Variants in RUFY1 observed in about 807,000 individuals in gnomAD.
The protein encoded by RUFY1 is RUN and FYVE domain containing 1, also known as RUN and FYVE domain-containing protein 1.
A neutral mutation model predicts 94.6 loss-of-function variants in RUFY1; 54 were observed. The ratio of observed to expected loss-of-function variants is 0.57; its 90% CI spans 0.46 to 0.72. The LOEUF (loss-of-function observed/expected upper bound fraction) is 0.72, where lower values mean the gene tolerates loss of function less well. Ranked by LOEUF, RUFY1 falls within the 30% of genes least tolerant of loss-of-function variation. The probability of loss-of-function intolerance (pLI) is 0.00; values close to 1 mark genes in which losing one functional copy is unlikely to be tolerated. For missense variants in RUFY1, 883 were observed against 883.9 expected (o/e 1.00, Z 0.01); for synonymous variants, 396 against 347.3 (o/e 1.14, Z -1.56).
chr5:179,603,051 T>C (rs1766610880), intron 15 of RUFY1, among the ~76,000 whole-genome samples: 2 of 152,122 alleles, frequency 1.3e-5, no homozygotes, highest in Non-Finnish European at 1.5e-5. Context: ...GCAGATCACC[T>C]GAGGTCAGGA....
intron 16 of RUFY1, 107 bp from the exon 17 acceptor site, chr5:179,607,475 C>A: frequency 3.4e-6 from 3 of 881,040 alleles, no homozygotes; most frequent in Non-Finnish European, 5.7e-6. Context: ...CAGTGCCTCA[C>A]TAGGAAACAG....
intron 2 of RUFY1, among the ~76,000 whole-genome samples, chr5:179,561,867 G>T (rs1447268300): frequency 2.0e-5 from 3 of 149,116 alleles, no homozygotes; most frequent in Admixed American, 6.7e-5. Context: ...TTTATTTTTA[G>T]TAGAGACGGA....
rs1765953143 is a variant in RUFY1 at position 179,598,672 on chromosome 5, A to G, written c.1632-20A>G. 5 of 1,614,012 alleles carry G rather than the reference A, an allele frequency of 3.1e-6. No individual in the cohort carries two copies. Among genetic ancestry groups the G allele is most frequent in the Non-Finnish European group, 4.2e-6 (5 of 1,179,972 alleles). ...AAAGTCTCCCACTGAGACTAACTCA[A>G]GTTCATTTTGGGAAAACAGCTCAAG... On this transcript the variant is annotated intron_variant, in intron 13 of 17. Coordinates refer to ENST00000319449, the MANE Select transcript of RUFY1 (RefSeq NM_025158.5).
At chr5:179,602,103 A>G (rs1766494957) in intron 15 of RUFY1, 117 bp downstream of exon 15, 1 of 783,854 alleles carries the variant, frequency 1.3e-6, no homozygotes, top group Non-Finnish European at 2.2e-6. Flanking sequence ...TTAGGAGCTC[A>G]GTCCGCCGTT....
At chr5:179,563,222 G>A (rs775731842) in intron 3 of RUFY1, among the ~76,000 whole-genome samples, 7 of 152,132 alleles carry the variant, frequency 4.6e-5, no homozygotes, top group Non-Finnish European at 1.0e-4. Context: ...TTTCCCAGAC[G>A]GGACTGGACT....
chr5:179,582,073 G>A (rs989772755), intron 7 of RUFY1, among the ~76,000 whole-genome samples: 2 of 152,060 alleles, frequency 1.3e-5, no homozygotes, highest in Non-Finnish European at 2.9e-5. Context: ...ATAAGAAATA[G>A]ATATTAAATT....
chr5:179,591,794 T>G lies in RUFY1; in HGVS notation c.1245+53T>G, dbSNP rs1415432837. On this transcript the variant is annotated intron_variant, in intron 10 of 17. Coordinates refer to ENST00000319449, the MANE Select transcript of RUFY1 (RefSeq NM_025158.5). ...GAAAGAGTTTCCCCGTAGTGTTAATTCTGTCAACACTTTTCATAGACATGC... is the reference window on the plus strand; with the variant it reads ...GAAAGAGTTTCCCCGTAGTGTTAATGCTGTCAACACTTTTCATAGACATGC... 3 of 1,030,330 alleles carry G rather than the reference T, an allele frequency of 2.9e-6. No individual in the cohort carries two copies. In the African/African-American group the frequency reaches 4.9e-5, roughly 17 times the overall value. The allele number at this position is 1,030,330 out of a possible 1,614,324, so 63.8% of individuals were successfully genotyped here.
At position 179,601,945 on chromosome 5, in the gene RUFY1, GCAGGAACAAGCCCTC is replaced by G; in HGVS notation, c.1822_1836del (p.Gln608_Glu612del). 1 of 1,613,912 alleles carries G rather than the reference GCAGGAACAAGCCCTC, an allele frequency of 6.2e-7. No individual in the cohort carries two copies. Among genetic ancestry groups the G allele is most frequent in the South Asian group, 1.1e-5 (1 of 91,080 alleles). On this transcript the variant is annotated inframe_deletion, in exon 15 of 18. Coordinates refer to ENST00000319449, the MANE Select transcript of RUFY1 (RefSeq NM_025158.5). ...CAGAGCTGCAGAAGATCTGCGAGGA[GCAGGAACAAGCCCTC>G]CAGGAAATGGGCCTGCACCTCAGCC...
chr5:179,562,399 C>G (rs1762523285), intron 2 of RUFY1, 148 bp from the exon 3 acceptor site: 1 of 620,008 alleles, frequency 1.6e-6, no homozygotes, highest in Non-Finnish European at 2.9e-6. Flanking sequence ...GAGTAAGACT[C>G]CATCTCAAAA....
At chr5:179,577,016 T>G in intron 5 of RUFY1, 59 bp from the exon 6 acceptor site, 4 of 1,152,662 alleles carry the variant, frequency 3.5e-6, no homozygotes, top group Non-Finnish European at 5.2e-6. Flanking sequence ...TTTCAAAGGT[T>G]GTAAAGTTTA....
intron 7 of RUFY1, among the ~76,000 whole-genome samples, chr5:179,583,806 G>A (rs1456953306): frequency 6.6e-6 from 1 of 151,130 alleles, no homozygotes; most frequent in Non-Finnish European, 1.5e-5. Context: ...CTGGAGTGCA[G>A]TGGCATGATC....
At chr5:179,581,438 AT>A (rs763576066) in intron 7 of RUFY1, among the ~76,000 whole-genome samples, 27,840 of 116,874 alleles carry the variant, frequency 0.24, 3,316 homozygotes, top group East Asian at 0.65. Context: ...CTTTATCTTG[AT>A]TTTTTTTTTT....
chr5:179,591,664 A>G lies in RUFY1; in HGVS notation c.1168A>G (p.Lys390Glu). 1 of 1,613,398 alleles carries G rather than the reference A, an allele frequency of 6.2e-7. No individual in the cohort carries two copies. The highest frequency in any genetic ancestry group is 8.5e-7 in the Non-Finnish European group (1 of 1,179,776). ...QDTKVELETY[K>E]QTRQGLDEMY... is the part of the protein sequence containing the mutation. The stretch of plus-strand genomic sequence containing the variant: ...TACCAAAGTTGAGCTGGAGACTTAC[A>G]AGCAAACTCGGCAAGGTCTGGATGA... The change falls in exon 10 of 18, where the codon AAG becomes GAG. Residue 390 changes from lysine (K) to glutamate (E), a missense_variant. Physicochemically the swap from Lys to Glu is moderately conservative, Grantham distance 56. Transcript: ENST00000319449.
chr5:179,593,348 G>A, intron 10 of RUFY1, 130 bp from the exon 11 acceptor site: 3 of 1,071,596 alleles, frequency 2.8e-6, no homozygotes, highest in East Asian at 2.7e-5. Flanking sequence ...AAAGTGCTGA[G>A]GATTACAGGC....
chr5:179,570,439 G>A (rs1173704819), intron 5 of RUFY1, among the ~76,000 whole-genome samples: 1 of 152,186 alleles, frequency 6.6e-6, no homozygotes, highest in East Asian at 1.9e-4. Flanking sequence ...ATGGCACAAA[G>A]GAGAGTAACC....
intron 17 of RUFY1, among the ~76,000 whole-genome samples, chr5:179,608,070 C>G (rs1310380252): frequency 2.0e-5 from 3 of 152,202 alleles, no homozygotes; most frequent in Non-Finnish European, 2.9e-5. Flanking sequence ...CACTAGTGAT[C>G]TAGGCAGCGT....
intron 8 of RUFY1, among the ~76,000 whole-genome samples, chr5:179,587,953 A>G (rs1175372545): frequency 2.0e-5 from 3 of 151,946 alleles, no homozygotes; most frequent in Non-Finnish European, 4.4e-5. Context: ...ACTTGAGCCT[A>G]GGAGTTGGAG....
At chr5:179,584,480 C>A (rs1398863518) in intron 7 of RUFY1, among the ~76,000 whole-genome samples, 1 of 152,188 alleles carries the variant, frequency 6.6e-6, no homozygotes, top group Non-Finnish European at 1.5e-5. Context: ...TGAGTTGATG[C>A]ATTTAAAGTG....
At chr5:179,552,180 A>C (rs1761895102) in intron 1 of RUFY1, among the ~76,000 whole-genome samples, 1 of 151,088 alleles carries the variant, frequency 6.6e-6, no homozygotes, top group Non-Finnish European at 1.5e-5. Context: ...AAAAAAAAAA[A>C]AAAAAAACTT....
Sources: gnomAD v4.1 joint callset for allele counts (sites outside exome capture counted in the v4.1 genomes callset) on GRCh38, gnomAD v4.1.1 for gene constraint, MANE v1.5 for transcripts, NCBI Gene and HGNC (gene_info 2026-07-23, HGNC 2026-07-21) for gene names.